Variants in COL22A1 observed in about 807,000 individuals in gnomAD.
COL22A1 encodes collagen type XXII alpha 1 chain, also known as collagen alpha-1(XXII) chain.
In COL22A1, 221 loss-of-function variants were observed where a neutral mutation model predicts 248.9. That is an observed-to-expected ratio of 0.89 (90% CI 0.80 to 0.99). The LOEUF (loss-of-function observed/expected upper bound fraction) is 0.99, where lower values mean the gene tolerates loss of function less well. Among genes scored for constraint, COL22A1 ranks in the 50% least tolerant of loss-of-function variants. The pLI, the probability that COL22A1 is intolerant of heterozygous loss-of-function variation, is 0.00. For missense variants in COL22A1, 2,240 were observed against 2,179.0 expected (o/e 1.03, Z -0.56); for synonymous variants, 891 against 793.4 (o/e 1.12, Z -2.07).
rs561032943 is a variant in COL22A1, at chr8:138,763,436, C to T, written c.1804-970G>A. On this transcript the variant is annotated intron_variant, in intron 16 of 64. Coordinates refer to ENST00000303045, the MANE Select transcript of COL22A1 (RefSeq NM_152888.3). ...TCCCTATGAGCAAGTCCACTGAAAA[C>T]CTTCCTGCTGAGGATAGGTAGTGAG... 9.9e-5 allele frequency among the ~76,000 whole-genome samples: 15 copies of T among 152,144 alleles called. No homozygotes were observed. The South Asian group carries it at 2.1e-3, about 21-fold the overall frequency.
intron 22 of COL22A1, among the ~76,000 whole-genome samples, chr8:138,739,769 G>T (rs1210916592): frequency 6.6e-6 from 1 of 152,174 alleles, no homozygotes; most frequent in African/African-American, 2.4e-5. Context: ...GTGATATCAG[G>T]GAGGAAGGGA....
At chr8:138,696,523 C>T (rs1316392431) in intron 32 of COL22A1, among the ~76,000 whole-genome samples, 1 of 152,218 alleles carries the variant, frequency 6.6e-6, no homozygotes, top group Non-Finnish European at 1.5e-5. Context: ...TTTCATGCTA[C>T]TTTCTCTCTC....
At chr8:138,608,408 C>G (rs375694175) in intron 56 of COL22A1, among the ~76,000 whole-genome samples, 1 of 152,284 alleles carries the variant, frequency 6.6e-6, no homozygotes, top group South Asian at 2.1e-4. Flanking sequence ...GCTTAGGAAG[C>G]ATGTCCATGC....
intron 35 of COL22A1, among the ~76,000 whole-genome samples, chr8:138,691,827 GGTGT>G (rs200793407): frequency 1.9e-5 from 2 of 106,930 alleles, no homozygotes; most frequent in South Asian, 3.3e-4. Context: ...TGTTTGTGGA[GGTGT>G]GTGTATGTGG....
intron 10 of COL22A1, among the ~76,000 whole-genome samples, chr8:138,806,315 G>GGTGT (rs958274692): frequency 2.0e-5 from 3 of 147,694 alleles, no homozygotes; most frequent in African/African-American, 7.5e-5. Context: ...TGTATTATGG[G>GGTGT]GTGTGTGTGT....
In COL22A1 at chr8:138,662,081, T is replaced by C. The variant is rs746743273; in HGVS notation, c.3189A>G (p.Gly1063=). ...SGPPGDKGSP[G]SRGLPGFPGP... is the part of the protein sequence containing the mutation. Reference sequence around the variant, plus strand: ...CAGGGAATCCAGGTAAGCCTCGTGATCCCTGAAGAAAAAGAAAAGAAGACA... The same window carrying C: ...CAGGGAATCCAGGTAAGCCTCGTGACCCCTGAAGAAAAAGAAAAGAAGACA... The change falls in exon 43 of 65, where the codon GGA becomes GGG. Residue 1063 remains glycine, a splice_region_variant and synonymous_variant. Transcript: ENST00000303045. 1.9e-6 allele frequency: 3 copies of C among 1,611,940 alleles called. No homozygotes were observed. Among genetic ancestry groups the C allele is most frequent in the Non-Finnish European group, 2.5e-6 (3 of 1,179,008 alleles).
chr8:138,724,571 G>C (rs1830152957), intron 25 of COL22A1, 44 bp downstream of exon 25: 7 of 1,589,928 alleles, frequency 4.4e-6, no homozygotes, highest in Middle Eastern at 3.3e-4. Context: ...CAGAGCAATG[G>C]GGAGAGGGAG....
chr8:138,900,279 C>G (rs541068115), intron 1 of COL22A1, among the ~76,000 whole-genome samples: 64 of 152,246 alleles, frequency 4.2e-4, no homozygotes, highest in African/African-American at 1.4e-3. Context: ...TAAAAAAGAG[C>G]TCTGGCCATC....
chr8:138,896,048 G>C (rs949846851), intron 1 of COL22A1, among the ~76,000 whole-genome samples: 1 of 152,088 alleles, frequency 6.6e-6, no homozygotes, highest in Non-Finnish European at 1.5e-5. Flanking sequence ...CTTATATCCA[G>C]CAAACTCAGG....
intron 12 of COL22A1, among the ~76,000 whole-genome samples, chr8:138,792,824 G>A (rs879317563): frequency 1.3e-5 from 2 of 152,138 alleles, no homozygotes; most frequent in Admixed American, 1.3e-4. Flanking sequence ...TTCCTTAGCT[G>A]CCAAAGAACA....
chr8:138,655,884 T>C lies in COL22A1; in HGVS notation c.3333+13A>G. On this transcript the variant is annotated intron_variant, in intron 45 of 64. Coordinates refer to ENST00000303045, the MANE Select transcript of COL22A1 (RefSeq NM_152888.3). ...ATTTTCAAAACACATGCGCATTTATTGTATGCTTTTACCTTAGCCAAGAGA... is the reference window on the plus strand; with the variant it reads ...ATTTTCAAAACACATGCGCATTTATCGTATGCTTTTACCTTAGCCAAGAGA... The C allele has an allele frequency of 6.2e-7, 1 of 1,603,138 alleles. No individual in the cohort carries two copies. Among genetic ancestry groups the C allele is most frequent in the Admixed American group, 1.7e-5 (1 of 59,896 alleles).
chr8:138,795,989 G>A (rs1007084932), intron 12 of COL22A1, among the ~76,000 whole-genome samples: 1 of 152,150 alleles, frequency 6.6e-6, no homozygotes, highest in Non-Finnish European at 1.5e-5. Flanking sequence ...GAGTCCACGC[G>A]TGCCTGTACT....
intron 22 of COL22A1, among the ~76,000 whole-genome samples, chr8:138,738,314 AG>A (rs1831282853): frequency 6.6e-6 from 1 of 152,138 alleles, no homozygotes; most frequent in African/African-American, 2.4e-5. Context: ...CTCCTTAAAT[AG>A]GGGTAAGGTG....
At chr8:138,740,505 C>T (rs762793454) in intron 22 of COL22A1, among the ~76,000 whole-genome samples, 8 of 152,090 alleles carry the variant, frequency 5.3e-5, no homozygotes, top group African/African-American at 1.2e-4. Context: ...TATGTAACAA[C>T]GTTACTCATG....
chr8:138,789,530 A>G (rs1352870283), intron 12 of COL22A1, among the ~76,000 whole-genome samples: 1 of 152,232 alleles, frequency 6.6e-6, no homozygotes, highest in African/African-American at 2.4e-5. Context: ...AAGTTTCACA[A>G]ATATAAAGAC....
intron 12 of COL22A1, among the ~76,000 whole-genome samples, chr8:138,792,918 C>G (rs1486870833): frequency 6.6e-6 from 1 of 152,154 alleles, no homozygotes; most frequent in East Asian, 1.9e-4. Flanking sequence ...ACTGTGTGAC[C>G]TTGTGCAGGT....
intron 4 of COL22A1, among the ~76,000 whole-genome samples, 185 bp from the exon 5 acceptor site, chr8:138,833,335 C>A (rs551278963): frequency 6.6e-6 from 1 of 152,340 alleles, no homozygotes; most frequent in East Asian, 1.9e-4. Flanking sequence ...GGACGTATAG[C>A]CTTGGCTTCA....
rs1819299937 is a variant in COL22A1 at position 138,616,117 on chromosome 8, C to T, written c.3871-63G>A. 2.2e-6 allele frequency: 3 copies of T among 1,344,344 alleles called. No individual in the cohort carries two copies. In the East Asian group the frequency reaches 6.9e-5, roughly 31 times the overall value. The allele number at this position is 1,344,344 out of a possible 1,614,324, so 83.3% of individuals were successfully genotyped here. On this transcript the variant is annotated intron_variant, in intron 54 of 64. Transcript: ENST00000303045. ...CTTCAGCCACTGGCTGTCTCAACCA[C>T]AGGGGCACCTGAGGAGCTGGGAGAG...
intron 64 of COL22A1, among the ~76,000 whole-genome samples, chr8:138,589,838 C>A (rs1250159507): frequency 6.6e-6 from 1 of 152,144 alleles, no homozygotes; most frequent in African/African-American, 2.4e-5. Context: ...TGATCATTAA[C>A]CCTCAGCCCC....
Sources: allele counts gnomAD v4.1 joint callset (sites outside exome capture counted in the v4.1 genomes callset), GRCh38; gene constraint gnomAD v4.1.1; transcripts MANE v1.5; gene names NCBI Gene and HGNC (gene_info 2026-07-23, HGNC 2026-07-21).